Variants in ADAMTS3 observed in about 807,000 individuals in gnomAD.
ADAMTS3 encodes the protein A disintegrin and metalloproteinase with thrombospondin motifs 3.
ADAMTS3 carries 73 observed loss-of-function variants against 129.0 expected under a neutral mutation model. The observed-to-expected ratio is 0.57, with a 90% CI of 0.47 to 0.69. The LOEUF is 0.69. Among genes scored for constraint, ADAMTS3 ranks in the 30% least tolerant of loss-of-function variants. The pLI is 0.00. For missense variants in ADAMTS3, 1,457 were observed against 1,514.5 expected, an observed-to-expected ratio of 0.96 and a Z score of 0.63; for synonymous variants, 477 against 510.8, an observed-to-expected ratio of 0.93 and a Z score of 0.89.
At chr4:72,500,514 A>T (rs1436544309) in intron 3 of ADAMTS3, among the ~76,000 whole-genome samples, 5 of 152,042 alleles carry the variant, frequency 3.3e-5, no homozygotes, top group African/African-American at 1.2e-4. Flanking sequence ...TGGATATGAA[A>T]TCTTTGTCAG....
At chr4:72,460,139 G>A (rs56055690) in intron 3 of ADAMTS3, among the ~76,000 whole-genome samples, 6,183 of 151,346 alleles carry the variant, frequency 0.041, 440 homozygotes, top group African/African-American at 0.14. Context: ...TCTCCTCCCC[G>A]CCCCCACTTT....
At chr4:72,466,245 G>T (rs1179602428) in intron 3 of ADAMTS3, among the ~76,000 whole-genome samples, 2 of 151,966 alleles carry the variant, frequency 1.3e-5, no homozygotes, top group African/African-American at 4.8e-5. Context: ...CTCGTGGCTG[G>T]CACTATGGTT....
chr4:72,460,184 T>G (rs1024541326), intron 3 of ADAMTS3, among the ~76,000 whole-genome samples: 14 of 151,618 alleles, frequency 9.2e-5, no homozygotes, highest in Admixed American at 7.9e-4. Context: ...CAACCAAAGA[T>G]TTGTTCATTC....
At chr4:72,312,055 C>G in intron 13 of ADAMTS3, 1 of 427,102 alleles carries the variant, frequency 2.3e-6, no homozygotes, top group Non-Finnish European at 4.2e-6. Context: ...TTCCACTGGT[C>G]TTTTCACCGC....
At chr4:72,513,145 C>T (rs1429072669) in intron 3 of ADAMTS3, among the ~76,000 whole-genome samples, 2 of 152,216 alleles carry the variant, frequency 1.3e-5, no homozygotes, top group Non-Finnish European at 2.9e-5. Context: ...GTCTTCTAAA[C>T]ATCTCTGCCT....
chr4:72,341,725 A>C (rs1720142252), intron 4 of ADAMTS3, among the ~76,000 whole-genome samples: 1 of 152,186 alleles, frequency 6.6e-6, no homozygotes, highest in Non-Finnish European at 1.5e-5. Flanking sequence ...ATTCTGCTTT[A>C]ACACACCTTT....
At chr4:72,506,005 C>T (rs1371260027) in intron 3 of ADAMTS3, among the ~76,000 whole-genome samples, 1 of 152,310 alleles carries the variant, frequency 6.6e-6, no homozygotes, top group Admixed American at 6.5e-5. Flanking sequence ...ATGAGGGCTT[C>T]CAATGCATGG....
rs376873584 is a variant in ADAMTS3, at chr4:72,318,633, T to C, written c.1424A>G (p.Asn475Ser). Reference sequence around the variant, plus strand: ...ACGACATTGCTCATCCATAGAATAATTGATTCCAGGAAGTTCTGGGAGTTT... The same window carrying C: ...ACGACATTGCTCATCCATAGAATAACTGATTCCAGGAAGTTCTGGGAGTTT... ...WPKLPELPGI[N>S]YSMDEQCRFD... The change falls in exon 10 of 22, where the codon AAT (asparagine) becomes AGT (serine). Residue 475 changes from asparagine (N) to serine (S), a missense_variant. By Grantham distance (46) the Asn-to-Ser change is conservative. Coordinates refer to ENST00000286657, the MANE Select transcript of ADAMTS3 (RefSeq NM_014243.3). 1.2e-5 allele frequency: 20 copies of C among 1,613,646 alleles called. No homozygotes were observed. The highest frequency in any genetic ancestry group is 1.7e-5 in the Non-Finnish European group (20 of 1,179,882).
At chr4:72,492,216 C>A (rs1719766521) in intron 3 of ADAMTS3, among the ~76,000 whole-genome samples, 1 of 151,428 alleles carries the variant, frequency 6.6e-6, no homozygotes, top group African/African-American at 2.4e-5. Context: ...CAACTTTCAG[C>A]TTTGCTGATT....
At chr4:72,473,031 TTAAAAA>T (rs1719121294) in intron 3 of ADAMTS3, among the ~76,000 whole-genome samples, 1 of 152,072 alleles carries the variant, frequency 6.6e-6, no homozygotes, top group African/African-American at 2.4e-5. Flanking sequence ...CTAAAAAGAA[TTAAAAA>T]TAAAAAATTA....
chr4:72,522,002 C>G (rs1382385648), intron 3 of ADAMTS3, among the ~76,000 whole-genome samples: 4 of 152,102 alleles, frequency 2.6e-5, no homozygotes, highest in Non-Finnish European at 5.9e-5. Flanking sequence ...GTCCCTTAAC[C>G]AAACAAGCAA....
intron 3 of ADAMTS3, among the ~76,000 whole-genome samples, chr4:72,452,962 TA>T (rs1406164562): frequency 6.6e-6 from 1 of 151,668 alleles, no homozygotes; most frequent in Non-Finnish European, 1.5e-5. Flanking sequence ...GCAGTAGGGG[TA>T]GGGGTATGAA....
chr4:72,544,500 G>A (rs1721417007), intron 3 of ADAMTS3, among the ~76,000 whole-genome samples: 1 of 152,108 alleles, frequency 6.6e-6, no homozygotes, highest in South Asian at 2.1e-4. Flanking sequence ...CTTTAACTTG[G>A]ATCAGGATTC....
At chr4:72,529,640 T>C (rs925344750) in intron 3 of ADAMTS3, among the ~76,000 whole-genome samples, 4 of 131,118 alleles carry the variant, frequency 3.1e-5, no homozygotes, top group East Asian at 4.1e-4. Flanking sequence ...ATATTATATA[T>C]AATACATTAT....
At chr4:72,379,709 T>A (rs1578629293) in intron 4 of ADAMTS3, among the ~76,000 whole-genome samples, 1 of 152,286 alleles carries the variant, frequency 6.6e-6, no homozygotes, top group African/African-American at 2.4e-5. Context: ...CTGGCAAATC[T>A]GTAGTATCAT....
At chr4:72,291,505 GTT>G (rs1261813481) in intron 19 of ADAMTS3, among the ~76,000 whole-genome samples, 3 of 148,800 alleles carry the variant, frequency 2.0e-5, no homozygotes, top group Non-Finnish European at 4.4e-5. Flanking sequence ...GCGGTGTTTC[GTT>G]TTTTGTCCTT....
intron 3 of ADAMTS3, among the ~76,000 whole-genome samples, chr4:72,522,956 G>T (rs555897386): frequency 6.6e-6 from 1 of 152,074 alleles, no homozygotes; most frequent in East Asian, 1.9e-4. Context: ...CATAAAACAT[G>T]AATCTTAATC....
At chr4:72,428,241 G>A (rs12644659) in intron 3 of ADAMTS3, among the ~76,000 whole-genome samples, 101,201 of 151,800 alleles carry the variant, frequency 0.67, 33,916 homozygotes, top group South Asian at 0.8. Context: ...AATGCTTTTC[G>A]TAAGTGTTTG....
intron 3 of ADAMTS3, among the ~76,000 whole-genome samples, chr4:72,454,182 AT>A (rs929952093): frequency 2.6e-4 from 40 of 151,444 alleles, no homozygotes; most frequent in Non-Finnish European, 5.3e-4. Flanking sequence ...TATTGTTTTG[AT>A]TTTTTATTAT....
Sources: allele counts gnomAD v4.1 joint callset (sites outside exome capture counted in the v4.1 genomes callset), GRCh38; gene constraint gnomAD v4.1.1; transcripts MANE v1.5; gene names NCBI Gene and HGNC (gene_info 2026-07-23, HGNC 2026-07-21).